Variants in ROBO2 observed in about 807,000 individuals in gnomAD.
The protein encoded by ROBO2 is roundabout guidance receptor 2.
In ROBO2, 53 loss-of-function variants were observed where a neutral mutation model predicts 160.8. The ratio of observed to expected loss-of-function variants is 0.33; its 90% CI spans 0.26 to 0.41. The LOEUF is 0.41. Among genes scored for constraint, ROBO2 ranks in the 10% least tolerant of loss-of-function variants. The pLI is 1.00. For synonymous variants in ROBO2, 664 were observed against 611.7 expected (o/e 1.09, Z -1.26); for missense variants, 1,577 against 1,722.4 (o/e 0.92, Z 1.49).
At chr3:76,148,780 G>A (rs1265556312) in intron 2 of ROBO2, among the ~76,000 whole-genome samples, 2 of 151,856 alleles carry the variant, frequency 1.3e-5, no homozygotes, top group African/African-American at 4.8e-5. Flanking sequence ...TATCTCCATG[G>A]CTTTCCCAAT....
rs74349910 is a variant in ROBO2, at chr3:76,715,545, G to T, written c.110-382469G>T. On this transcript the variant is annotated intron_variant, in intron 2 of 26. Coordinates refer to the ROBO2 transcript ENST00000487694. The stretch of plus-strand genomic sequence containing the variant: ...GTATCACTTACACCTAATAGCATTT[G>T]AACAAGAATCTTGGTCCATGGTCTG... Among the ~76,000 whole-genome samples, 400 of 152,248 alleles carry T rather than the reference G, an allele frequency of 2.6e-3. 1 individual carries two copies. Among genetic ancestry groups the T allele is most frequent in the African/African-American group, 9.2e-3 (383 of 41,548 alleles).
At chr3:76,874,577 G>A (rs1282217261) in intron 2 of ROBO2, among the ~76,000 whole-genome samples, 1 of 152,154 alleles carries the variant, frequency 6.6e-6, no homozygotes, top group East Asian at 1.9e-4. Context: ...GCTTATCACA[G>A]AAGTTCATAT....
intron 2 of ROBO2, among the ~76,000 whole-genome samples, chr3:77,330,034 CT>C (rs937920198): frequency 1.3e-5 from 2 of 152,052 alleles, no homozygotes; most frequent in African/African-American, 2.4e-5. Flanking sequence ...TCTACTTTTC[CT>C]TTTTTTCTTT....
At chr3:77,291,884 G>C (rs1165092531) in intron 2 of ROBO2, among the ~76,000 whole-genome samples, 5 of 152,028 alleles carry the variant, frequency 3.3e-5, no homozygotes, top group Non-Finnish European at 5.9e-5. Flanking sequence ...AAAATTGATG[G>C]ATAAACGGGT....
intron 2 of ROBO2, among the ~76,000 whole-genome samples, chr3:77,018,592 T>C (rs896950628): frequency 6.6e-6 from 1 of 152,194 alleles, no homozygotes; most frequent in African/African-American, 2.4e-5. Context: ...TATTAAAATA[T>C]TTTACATCAC....
intron 2 of ROBO2, among the ~76,000 whole-genome samples, chr3:76,319,391 A>G (rs1292409027): frequency 6.6e-6 from 1 of 152,072 alleles, no homozygotes; most frequent in Non-Finnish European, 1.5e-5. Flanking sequence ...AAACTATTCT[A>G]TATATGGATT....
intron 2 of ROBO2, among the ~76,000 whole-genome samples, chr3:77,107,420 G>A (rs1179870783): frequency 2.0e-5 from 3 of 152,116 alleles, no homozygotes; most frequent in Non-Finnish European, 2.9e-5. Context: ...CTTTCTCACC[G>A]ATATTGGCAG....
intron 2 of ROBO2, among the ~76,000 whole-genome samples, chr3:77,374,134 C>T (rs1267443940): frequency 1.6e-5 from 2 of 128,062 alleles, no homozygotes; most frequent in Non-Finnish European, 1.6e-5. Flanking sequence ...CGCACCACTG[C>T]ACTCCAGCCC....
chr3:76,386,036 A>C (rs2076865133), intron 2 of ROBO2, among the ~76,000 whole-genome samples: 1 of 152,170 alleles, frequency 6.6e-6, no homozygotes, highest in South Asian at 2.1e-4. Context: ...CTTGAGTATC[A>C]ATCCTAAATG....
chr3:76,344,550 T>C (rs1278477447), intron 2 of ROBO2, among the ~76,000 whole-genome samples: 1 of 152,152 alleles, frequency 6.6e-6, no homozygotes, highest in African/African-American at 2.4e-5. Context: ...GAGTTATTTG[T>C]AGTAGTCTAT....
chr3:77,447,265 A>G (rs2080629245), intron 2 of ROBO2, among the ~76,000 whole-genome samples: 1 of 152,092 alleles, frequency 6.6e-6, no homozygotes, highest in South Asian at 2.1e-4. Flanking sequence ...AACAGTCATC[A>G]CTAATATTTT....
At chr3:75,918,676 T>C (rs1946908526) in intron 1 of ROBO2, among the ~76,000 whole-genome samples, 1 of 152,096 alleles carries the variant, frequency 6.6e-6, no homozygotes, top group South Asian at 2.1e-4. Context: ...GGATGGAATG[T>C]TTCTCTATAT....
At chr3:75,971,576 T>C (rs1278452522) in intron 2 of ROBO2, among the ~76,000 whole-genome samples, 1 of 151,532 alleles carries the variant, frequency 6.6e-6, no homozygotes, top group African/African-American at 2.4e-5. Flanking sequence ...CTTTGAAATT[T>C]TGTGGTAGCA....
chr3:77,028,784 T>C (rs760973442), intron 2 of ROBO2, among the ~76,000 whole-genome samples: 4 of 152,240 alleles, frequency 2.6e-5, no homozygotes, highest in Non-Finnish European at 4.4e-5. Context: ...ACAGGACTTT[T>C]CACTTTCCTC....
chr3:77,527,371 A>G, intron 6 of ROBO2, 32 bp from the exon 7 acceptor site: 1 of 1,282,498 alleles, frequency 7.8e-7, no homozygotes, highest in South Asian at 1.3e-5. Context: ...TTTCTTTTTT[A>G]TGTTCTCACC....
At chr3:76,049,405 T>TA (rs1559867206) in intron 2 of ROBO2, among the ~76,000 whole-genome samples, 35 of 50,754 alleles carry the variant, frequency 6.9e-4, no homozygotes, top group Admixed American at 1.5e-3. Context: ...ATATATATAT[T>TA]TTTTTTTTTT....
intron 2 of ROBO2, among the ~76,000 whole-genome samples, chr3:77,177,459 T>C (rs2080264997): frequency 6.6e-6 from 1 of 152,056 alleles, no homozygotes; most frequent in Non-Finnish European, 1.5e-5. Flanking sequence ...AAAAGTACTG[T>C]TTGCATACAA....
intron 2 of ROBO2, among the ~76,000 whole-genome samples, chr3:76,834,013 C>CCTTTCTTTCTTTCTTTT (rs2067324757): frequency 8.3e-6 from 1 of 121,148 alleles, no homozygotes; most frequent in Non-Finnish European, 1.7e-5. Flanking sequence ...TTCTTTCTTT[C>CCTTTCTTTCTTTCTTTT]CTTTCTTTCT....
At chr3:76,759,149 T>C (rs1229562834) in intron 2 of ROBO2, among the ~76,000 whole-genome samples, 1 of 151,796 alleles carries the variant, frequency 6.6e-6, no homozygotes, top group Non-Finnish European at 1.5e-5. Flanking sequence ...TTTTTCATCT[T>C]GCAAATAAGG....
Sources: allele counts gnomAD v4.1 joint callset (sites outside exome capture counted in the v4.1 genomes callset), GRCh38; gene constraint gnomAD v4.1.1; transcripts MANE v1.5; gene names NCBI Gene and HGNC (gene_info 2026-07-23, HGNC 2026-07-21).